The following NEK4 variants were observed in gnomAD, a reference collection of about 807,000 sequenced individuals.
NEK4 encodes the protein serine/threonine-protein kinase Nek4.
NEK4 carries 86 observed loss-of-function variants against 98.4 expected under a neutral mutation model. The observed-to-expected ratio is 0.87, with a 90% CI of 0.73 to 1.05. NEK4 has a LOEUF of 1.05. NEK4 is among the 50% of genes least tolerant of loss of function. NEK4 has a pLI of 0.00. For missense variants in NEK4, 898 were observed against 950.3 expected, an observed-to-expected ratio of 0.94 and a Z score of 0.72; for synonymous variants, 328 against 342.2, an observed-to-expected ratio of 0.96 and a Z score of 0.46.
At chr3:52,741,905 G>A (rs1299120864) in intron 12 of NEK4, among the ~76,000 whole-genome samples, 7 of 152,014 alleles carry the variant, frequency 4.6e-5, no homozygotes, top group South Asian at 2.1e-4. Context: ...TCAGCCTCCC[G>A]AGTAGCTGGG....
At chr3:52,751,256 C>G (rs576340431) in intron 7 of NEK4, among the ~76,000 whole-genome samples, 62 of 152,048 alleles carry the variant, frequency 4.1e-4, no homozygotes, top group Non-Finnish European at 7.4e-4. Flanking sequence ...GAGATCGAGA[C>G]CATCCTGACT....
chr3:52,750,985 T>C (rs780241149), intron 7 of NEK4, among the ~76,000 whole-genome samples: 30 of 152,068 alleles, frequency 2.0e-4, no homozygotes, highest in Non-Finnish European at 8.8e-5. Flanking sequence ...ACATCCTACA[T>C]CATAGATAAA....
At chr3:52,746,653 C>T (rs1057165918) in intron 9 of NEK4, 81 bp downstream of exon 9, 1 of 1,289,958 alleles carries the variant, frequency 7.8e-7, no homozygotes, top group Non-Finnish European at 1.1e-6. Context: ...TCTTACATGC[C>T]TTTTTGGCAA....
intron 15 of NEK4, among the ~76,000 whole-genome samples, chr3:52,717,211 C>A (rs1049479431): frequency 6.6e-6 from 1 of 152,014 alleles, no homozygotes; most frequent in Non-Finnish European, 1.5e-5. Flanking sequence ...GTTTGAGACC[C>A]AGCCTGGCCA....
intron 14 of NEK4, among the ~76,000 whole-genome samples, chr3:52,738,164 C>T (rs921857759): frequency 2.6e-5 from 4 of 151,600 alleles, no homozygotes; most frequent in African/African-American, 9.7e-5. Flanking sequence ...GGATGTAGTG[C>T]AGTGTGACCA....
chr3:52,730,460 C>T (rs899995787), intron 15 of NEK4, among the ~76,000 whole-genome samples: 2 of 152,168 alleles, frequency 1.3e-5, no homozygotes, highest in Non-Finnish European at 2.9e-5. Context: ...TGCCCTGGTG[C>T]TGGGGCCAGA....
rs1698432116 is a variant in NEK4 at position 52,763,473 on chromosome 3, T to C, written c.818A>G (p.Lys273Arg). The change falls in exon 5 of 16, where the codon AAG becomes AGG. Residue 273 changes from lysine (K) to arginine (R), a missense_variant. Coordinates refer to ENST00000233027, the MANE Select transcript of NEK4 (RefSeq NM_003157.6). ...RQISFFLEAT[K>R]IKTSKNNIKN... is the part of the protein sequence containing the mutation. ...ATTTGCAAGGGAAGTATCTTACATC[T>C]TTGTGGCCTCCAAAAAGAAGGAGAT... is the stretch of plus-strand genomic sequence containing the variant. 1 of 1,612,974 alleles carries C rather than the reference T, an allele frequency of 6.2e-7. No homozygotes were observed. Among genetic ancestry groups the C allele is most frequent in the South Asian group, 1.1e-5 (1 of 90,790 alleles).
Position 52,744,638 on chromosome 3 carries a change from C to A in NEK4, c.1828-333G>T, listed in dbSNP as rs1021949065. The stretch of plus-strand genomic sequence containing the variant: ...GGCGGTGGTTGCAATGAGCTGAGAT[C>A]GCGCCATTGCACTCCAGCCTGGGTG... On this transcript the variant is annotated intron_variant, in intron 10 of 15. Coordinates refer to ENST00000233027, the MANE Select transcript of NEK4 (RefSeq NM_003157.6). Among the ~76,000 whole-genome samples, 4 of 146,466 alleles carry A rather than the reference C, an allele frequency of 2.7e-5. No homozygotes were observed. In the South Asian group the frequency reaches 8.7e-4, roughly 32 times the overall value.
chr3:52,758,918 C>G (rs992669345), intron 6 of NEK4, among the ~76,000 whole-genome samples: 1 of 151,586 alleles, frequency 6.6e-6, no homozygotes, highest in African/African-American at 2.4e-5. Context: ...TGAGACCCAC[C>G]TCTACAAAAA....
chr3:52,750,072 T>C (rs1281530571), intron 7 of NEK4, among the ~76,000 whole-genome samples: 1 of 152,222 alleles, frequency 6.6e-6, no homozygotes, highest in Non-Finnish European at 1.5e-5. Flanking sequence ...AGAGTTACCA[T>C]ATGACCCAGG....
chr3:52,758,187 A>T (rs1415375406), intron 6 of NEK4, among the ~76,000 whole-genome samples: 1 of 150,438 alleles, frequency 6.6e-6, no homozygotes, highest in Non-Finnish European at 1.5e-5. Context: ...TCAAAAAAAA[A>T]AAAAAAAAAA....
intron 5 of NEK4, among the ~76,000 whole-genome samples, chr3:52,761,426 A>G (rs1415571640): frequency 6.6e-6 from 1 of 151,446 alleles, no homozygotes; most frequent in Non-Finnish European, 1.5e-5. Flanking sequence ...CTACAGGTGC[A>G]CGCCACCACG....
chr3:52,741,101 T>G (rs1271420751), intron 13 of NEK4, among the ~76,000 whole-genome samples: 2 of 151,846 alleles, frequency 1.3e-5, no homozygotes, highest in Non-Finnish European at 2.9e-5. Flanking sequence ...CCGGGCATGG[T>G]GGCGGACGCC....
chr3:52,760,324 C>A (rs1236391451), intron 6 of NEK4, among the ~76,000 whole-genome samples: 1 of 152,140 alleles, frequency 6.6e-6, no homozygotes, highest in African/African-American at 2.4e-5. Flanking sequence ...TCAAGCGATT[C>A]TCCTCCCTCA....
At chr3:52,754,849 G>A (rs375231875) in intron 6 of NEK4, among the ~76,000 whole-genome samples, 31 of 152,134 alleles carry the variant, frequency 2.0e-4, no homozygotes, top group African/African-American at 6.7e-4. Context: ...CAAGATGGGC[G>A]GATCACGAGG....
Position 52,739,541 on chromosome 3 carries a change from T to C in NEK4, c.2187A>G (p.Val729=). The C allele has an allele frequency of 1.2e-6, 2 of 1,614,188 alleles. No homozygotes were observed. Among genetic ancestry groups the C allele is most frequent in the Non-Finnish European group, 1.7e-6 (2 of 1,179,978 alleles). The change falls in exon 14 of 16, where the codon GTA becomes GTG. Residue 729 remains valine (V), a synonymous_variant. Coordinates refer to ENST00000233027, the MANE Select transcript of NEK4 (RefSeq NM_003157.6). Reference sequence around the variant, plus strand: ...GTTTGAATTCTGACACTGGGTTTGCTACCGGGACATCTTCACAGCTCTCTT... The same window carrying C: ...GTTTGAATTCTGACACTGGGTTTGCCACCGGGACATCTTCACAGCTCTCTT... ...DSKESCEDVP[V]ANPVSEFKLH... is the part of the protein sequence containing the mutation.
In NEK4 at chr3:52,746,866, G is replaced by T. The variant is rs148616613; in HGVS notation, c.1545C>A (p.Gly515=). 6.2e-7 allele frequency: 1 copy of T among 1,613,800 alleles called. No homozygotes were observed. The highest frequency in any genetic ancestry group is 1.3e-5 in the African/African-American group (1 of 74,888). The change falls in exon 9 of 16, where the codon GGC becomes GGA. Residue 515 remains glycine, a synonymous_variant. Transcript: ENST00000233027. ...GTGGCTGTAAATCTGGGTGGATTCTGCCCTGTTTTTCTATAATACATTCAC... is the reference window on the plus strand; with the variant it reads ...GTGGCTGTAAATCTGGGTGGATTCTTCCCTGTTTTTCTATAATACATTCAC... ...VAGECIIEKQ[G]RIHPDLQPHN... is the part of the protein sequence containing the mutation.
intron 15 of NEK4, among the ~76,000 whole-genome samples, chr3:52,722,739 C>G (rs2097361170): frequency 6.6e-6 from 1 of 151,842 alleles, no homozygotes; most frequent in African/African-American, 2.4e-5. Flanking sequence ...CCCGTCTCTA[C>G]AAAATGTACA....
intron 14 of NEK4, 45 bp from the exon 15 acceptor site, chr3:52,737,764 C>A (rs1180434476): frequency 6.8e-7 from 1 of 1,480,266 alleles, no homozygotes; most frequent in Admixed American, 2.0e-5. Flanking sequence ...AACACTTTTA[C>A]CACTATAGCA....
Sources: gnomAD v4.1 joint callset for allele counts (sites outside exome capture counted in the v4.1 genomes callset) on GRCh38, gnomAD v4.1.1 for gene constraint, MANE v1.5 for transcripts, NCBI Gene and HGNC (gene_info 2026-07-23, HGNC 2026-07-21) for gene names.